Variants in ANO5 observed in about 807,000 individuals in gnomAD.
The protein encoded by ANO5 is anoctamin 5.
A neutral mutation model predicts 121.0 loss-of-function variants in ANO5; 109 were observed. The observed-to-expected ratio is 0.90, with a 90% CI of 0.77 to 1.06. ANO5 has a LOEUF of 1.06. ANO5 is among the 50% of genes least tolerant of loss of function. ANO5 has a pLI of 0.00. For missense variants in ANO5, 1,064 were observed against 1,078.5 expected (o/e 0.99, Z 0.19); for synonymous variants, 406 against 359.9 (o/e 1.13, Z -1.45).
chr11:22,242,704 C>T (rs1182872491), intron 9 of ANO5, among the ~76,000 whole-genome samples: 1 of 151,852 alleles, frequency 6.6e-6, no homozygotes, highest in African/African-American at 2.4e-5. Context: ...AACATTATTG[C>T]CATATAGAAA....
At chr11:22,208,379 C>T (rs1852181980) in intron 2 of ANO5, among the ~76,000 whole-genome samples, 1 of 151,956 alleles carries the variant, frequency 6.6e-6, no homozygotes, top group African/African-American at 2.4e-5. Context: ...ATAAACACAA[C>T]TTGGATAGAT....
At position 22,271,091 on chromosome 11, in the gene ANO5, C is replaced by T. The variant is rs181796803; in HGVS notation, c.2029+649C>T. 3.9e-5 allele frequency among the ~76,000 whole-genome samples: 6 copies of T among 152,286 alleles called. No individual in the cohort carries two copies. In the East Asian group the frequency reaches 9.7e-4, roughly 25 times the overall value. On this transcript the variant is annotated intron_variant, in intron 18 of 21. Coordinates refer to ENST00000324559, the MANE Select transcript of ANO5 (RefSeq NM_213599.3). ...TGTTTGAGACAGAGTCTCGCTCTGT[C>T]GCTCAGGCTGGAGCGCAGCTGCCCA... is the stretch of plus-strand genomic sequence containing the variant.
intron 18 of ANO5, among the ~76,000 whole-genome samples, chr11:22,271,026 C>G (rs775081112): frequency 9.2e-5 from 14 of 152,248 alleles, no homozygotes; most frequent in Middle Eastern, 3.4e-3. Context: ...CGTTTTCCCT[C>G]AAGCAACTTT....
intron 12 of ANO5, among the ~76,000 whole-genome samples, chr11:22,252,029 C>CAAAAAAAAAAAAAAAA (rs10525160): frequency 5.2e-4 from 24 of 45,860 alleles, no homozygotes; most frequent in African/African-American, 1.5e-3. Context: ...GACGCCGTCT[C>CAAAAAAAAAAAAAAAA]AAAAAAAAAA....
intron 18 of ANO5, 89 bp from the exon 19 acceptor site, chr11:22,272,695 A>G (rs1200959867): frequency 3.2e-6 from 4 of 1,260,448 alleles, no homozygotes; most frequent in Non-Finnish European, 4.6e-6. Flanking sequence ...GGATCACTCC[A>G]AAACGAAGGA....
intron 21 of ANO5, among the ~76,000 whole-genome samples, chr11:22,277,559 A>G (rs887925669): frequency 6.6e-6 from 1 of 151,594 alleles, no homozygotes; most frequent in Admixed American, 6.6e-5. Context: ...GACTTTATAA[A>G]TATTAGTCAC....
chr11:22,217,599 C>A (rs759335303), intron 3 of ANO5, among the ~76,000 whole-genome samples: 11 of 150,226 alleles, frequency 7.3e-5, no homozygotes, highest in Non-Finnish European at 1.5e-4. Context: ...TATTATTTTT[C>A]TCTTCTCTTC....
chr11:22,268,170 C>T (rs544173305), intron 17 of ANO5, among the ~76,000 whole-genome samples: 3 of 152,172 alleles, frequency 2.0e-5, no homozygotes, highest in African/African-American at 7.2e-5. Flanking sequence ...GGTCTTTTAT[C>T]AATCTATATA....
chr11:22,212,389 A>G (rs1422515182), intron 3 of ANO5, among the ~76,000 whole-genome samples: 7 of 151,950 alleles, frequency 4.6e-5, no homozygotes, highest in Non-Finnish European at 1.0e-4. Flanking sequence ...TATTTTTCCA[A>G]TGCTATTACA....
intron 3 of ANO5, among the ~76,000 whole-genome samples, chr11:22,212,394 A>G (rs545195315): frequency 6.6e-6 from 1 of 152,092 alleles, no homozygotes; most frequent in South Asian, 2.1e-4. Context: ...TTCCAATGCT[A>G]TTACAAATGT....
intron 9 of ANO5, among the ~76,000 whole-genome samples, chr11:22,249,710 A>G (rs929546446): frequency 4.6e-5 from 7 of 152,272 alleles, no homozygotes; most frequent in Non-Finnish European, 1.0e-4. Flanking sequence ...CCTGCTGCAT[A>G]TGTCACAATC....
Position 22,279,947 on chromosome 11 carries a change from A to G in ANO5, c.*182A>G. The G allele has an allele frequency of 1.7e-6, 1 of 598,344 alleles. No homozygotes were observed. Among genetic ancestry groups the G allele is most frequent in the East Asian group, 2.8e-5 (1 of 35,094 alleles). 37.1% of individuals were successfully genotyped at this position (598,344 alleles called of 1,614,324 possible). The stretch of plus-strand genomic sequence containing the variant: ...GCCAACTTTGTGATGTTGGAAATGT[A>G]CTACTTCTCTGCTTCATTGACTGGG... On this transcript the variant is annotated 3_prime_UTR_variant, in exon 22 of 22. Coordinates refer to ENST00000324559, the MANE Select transcript of ANO5 (RefSeq NM_213599.3).
chr11:22,228,855 CA>C (rs1852936453), intron 7 of ANO5, among the ~76,000 whole-genome samples: 1 of 151,792 alleles, frequency 6.6e-6, no homozygotes, highest in African/African-American at 2.4e-5. Context: ...TCTGTGTGTA[CA>C]CCTTTTCTTT....
chr11:22,274,674 C>T lies in ANO5; in HGVS notation c.2341C>T (p.Leu781=), dbSNP rs1253326295. 1 of 1,613,552 alleles carries T rather than the reference C, an allele frequency of 6.2e-7. No homozygotes were observed. The highest frequency in any genetic ancestry group is 8.5e-7 in the Non-Finnish European group (1 of 1,179,688). ...TATGACAGGATATGTGAATAATAGCCTGTCAGTATTCCTGATAGCTGATTT... is the reference window on the plus strand; with the variant it reads ...TATGACAGGATATGTGAATAATAGCTTGTCAGTATTCCTGATAGCTGATTT... ...QPMTGYVNNS[L]SVFLIADFPN... Residue 781 remains leucine (L), a synonymous_variant, in exon 20 of 22, where the codon CTG becomes TTG. Transcript: ENST00000324559.
At chr11:22,237,134 T>C (rs1853250016) in intron 8 of ANO5, among the ~76,000 whole-genome samples, 1 of 152,220 alleles carries the variant, frequency 6.6e-6, no homozygotes, top group South Asian at 2.1e-4. Flanking sequence ...CTATTTTTGT[T>C]GTTTCTTTTG....
rs140903276 is a variant in ANO5 at position 22,236,194 on chromosome 11, G to C, written c.680G>C (p.Gly227Ala). 5.5e-4 allele frequency: 895 copies of C among 1,613,114 alleles called. 6 individuals are homozygous for C. The African/African-American group carries it at 0.011, about 19-fold the overall frequency. ...VYYILSRCPF[G>A]IEDGKKRFGI... ...TATATTCTCTCAAGATGTCCTTTTG[G>C]CATAGAAGATGGGAAGAAAAGGTTT... Residue 227 changes from glycine (G) to alanine (A), a missense_variant, in exon 8 of 22, where the codon GGC becomes GCC. By Grantham distance (60) the Gly-to-Ala change is moderately conservative (BLOSUM62 0). Coordinates refer to ENST00000324559, the MANE Select transcript of ANO5 (RefSeq NM_213599.3).
In ANO5 at chr11:22,279,893, A is replaced by C; in HGVS notation, c.*128A>C. The C allele has an allele frequency of 1.2e-6, 1 of 852,516 alleles. No individual in the cohort carries two copies. The highest frequency in any genetic ancestry group is 3.4e-4 in the Middle Eastern group (1 of 2,914). The allele number at this position is 852,516 out of a possible 1,614,324, so 52.8% of individuals were successfully genotyped here. On this transcript the variant is annotated 3_prime_UTR_variant, in exon 22 of 22. Coordinates refer to ENST00000324559, the MANE Select transcript of ANO5 (RefSeq NM_213599.3). ...TTTTTTTTTTTCTTTTTTTTTTTAA[A>C]CTCAAAGTTTTTATACACTTTTATA...
intron 5 of ANO5, among the ~76,000 whole-genome samples, chr11:22,224,656 A>G (rs543999560): frequency 2.6e-5 from 4 of 152,228 alleles, no homozygotes; most frequent in Admixed American, 2.6e-4. Flanking sequence ...GCTCCAGGAC[A>G]TTGGTGCAGA....
At chr11:22,213,442 T>A (rs1852344859) in intron 3 of ANO5, among the ~76,000 whole-genome samples, 1 of 126,624 alleles carries the variant, frequency 7.9e-6, no homozygotes, top group African/African-American at 4.1e-5. Flanking sequence ...ACTTTCCTGA[T>A]TTTTTTTTTT....
Sources: gnomAD v4.1 joint callset for allele counts (sites outside exome capture counted in the v4.1 genomes callset) on GRCh38, gnomAD v4.1.1 for gene constraint, MANE v1.5 for transcripts, NCBI Gene and HGNC (gene_info 2026-07-23, HGNC 2026-07-21) for gene names.